The following C1orf50 variants were observed in gnomAD, a reference collection of about 807,000 sequenced individuals.
C1orf50 encodes chromosome 1 open reading frame 50.
A neutral mutation model predicts 23.3 loss-of-function variants in C1orf50; 22 were observed. The ratio of observed to expected loss-of-function variants is 0.94; its 90% CI spans 0.67 to 1.35. The LOEUF is 1.35. C1orf50 is among the 40% of genes most tolerant of loss of function. The pLI is 0.00. For missense variants in C1orf50, 271 were observed against 249.4 expected, an observed-to-expected ratio of 1.09 and a Z score of -0.58; for synonymous variants, 96 against 102.4, an observed-to-expected ratio of 0.94 and a Z score of 0.38.
At chr1:42,769,504 C>T (rs894147584) in intron 2 of C1orf50, among the ~76,000 whole-genome samples, 1 of 151,268 alleles carries the variant, frequency 6.6e-6, no homozygotes, top group African/African-American at 2.4e-5. Flanking sequence ...TGAGATCACA[C>T]CACTGCACTC....
rs930145818 is a variant in C1orf50 at position 42,779,290 on chromosome 1, T to C, written c.*3896T>C. The C allele has an allele frequency of 2.0e-5, 3 of 150,530 alleles. No homozygotes were observed. The highest frequency in any genetic ancestry group is 4.4e-5 in the Non-Finnish European group (3 of 67,852). 9.3% of individuals were successfully genotyped at this position (150,530 alleles called of 1,614,324 possible). On this transcript the variant is annotated 3_prime_UTR_variant, in exon 5 of 5. Transcript: ENST00000372525. Reference sequence around the variant, plus strand: ...TACTCGGGAGGCTGAGGCAGGAGAATGTCGTGAACCTGGGAGGCGAAGCTT... The same window carrying C: ...TACTCGGGAGGCTGAGGCAGGAGAACGTCGTGAACCTGGGAGGCGAAGCTT...
In C1orf50 at chr1:42,776,155, C is replaced by T. The variant is rs1002642382; in HGVS notation, c.*761C>T. Reference sequence around the variant, plus strand: ...CTGTGTAGTCTCCCAAGTTGGAAATCCCAGGCTCAGCCACCTGCAGCAGAA... The same window carrying T: ...CTGTGTAGTCTCCCAAGTTGGAAATTCCAGGCTCAGCCACCTGCAGCAGAA... On this transcript the variant is annotated 3_prime_UTR_variant, in exon 5 of 5. Transcript: ENST00000372525. 6.6e-6 allele frequency: 1 copy of T among 151,776 alleles called. No homozygotes were observed. Among genetic ancestry groups the T allele is most frequent in the Admixed American group, 6.6e-5 (1 of 15,238 alleles). The allele number at this position is 151,776 out of a possible 1,614,324, so 9.4% of individuals were successfully genotyped here. A position where few individuals can be genotyped will look rare whatever the true frequency, so the allele number is the denominator to read the frequency against.
intron 3 of C1orf50, among the ~76,000 whole-genome samples, chr1:42,774,478 C>G (rs1024402553): frequency 9.9e-5 from 15 of 152,220 alleles, no homozygotes; most frequent in Admixed American, 2.0e-4. Context: ...CTGCCATGGC[C>G]TTCCAAAGTG....
In C1orf50 at chr1:42,775,453, C is replaced by A; in HGVS notation, c.*59C>A. On this transcript the variant is annotated 3_prime_UTR_variant, in exon 5 of 5. Transcript: ENST00000372525. ...TGGCTGTCAACCTCCTTGTTGCCCC[C>A]ACTGTTGCCTTGAGAATTGAAGACA... 1 of 1,459,498 alleles carries A rather than the reference C, an allele frequency of 6.9e-7. No homozygotes were observed. The highest frequency in any genetic ancestry group is 9.3e-7 in the Non-Finnish European group (1 of 1,074,316). The allele number at this position is 1,459,498 out of a possible 1,614,324, so 90.4% of individuals were successfully genotyped here. A position where few individuals can be genotyped will look rare whatever the true frequency, so the allele number is the denominator to read the frequency against.
chr1:42,768,510 A>G (rs1226055269), intron 2 of C1orf50, among the ~76,000 whole-genome samples: 1 of 151,922 alleles, frequency 6.6e-6, no homozygotes, highest in African/African-American at 2.4e-5. Flanking sequence ...AATGTGCTCA[A>G]ATTCCCTCAC....
rs1653354661 is a variant in C1orf50, at chr1:42,777,048, G to A, written c.*1654G>A. 1 of 152,122 alleles carries A rather than the reference G, an allele frequency of 6.6e-6. No individual in the cohort carries two copies. The allele number at this position is 152,122 out of a possible 1,614,324, so 9.4% of individuals were successfully genotyped here. A position where few individuals can be genotyped will look rare whatever the true frequency, so the allele number is the denominator to read the frequency against. ...TGTTCTTATCTGAAGGCCTGAGTGG[G>A]GAAGGATCTGCTTCCAAGCTCACTT... On this transcript the variant is annotated 3_prime_UTR_variant, in exon 5 of 5. Transcript: ENST00000372525.
In C1orf50 at chr1:42,776,908, C is replaced by T. The variant is rs765642467; in HGVS notation, c.*1514C>T. 1 of 152,142 alleles carries T rather than the reference C, an allele frequency of 6.6e-6. No homozygotes were observed. The highest frequency in any genetic ancestry group is 2.4e-5 in the African/African-American group (1 of 41,432). 9.4% of individuals were successfully genotyped at this position (152,142 alleles called of 1,614,324 possible). A position where few individuals can be genotyped will look rare whatever the true frequency, so the allele number is the denominator to read the frequency against. On this transcript the variant is annotated 3_prime_UTR_variant, in exon 5 of 5. Transcript: ENST00000372525. ...CTGCAAACTTAATGGTTTAAAGCAA[C>T]ACCTATTTATTTCAGAGCTTACAGG...
intron 4 of C1orf50, 51 bp from the exon 5 acceptor site, chr1:42,775,158 A>C (rs768317358): frequency 6.7e-7 from 1 of 1,502,184 alleles, no homozygotes; most frequent in Non-Finnish European, 9.2e-7. Context: ...AAATGAGCTC[A>C]GTTTGTTTAC....
chr1:42,775,144 T>C lies in C1orf50; in HGVS notation c.415-65T>C, dbSNP rs1653307788. Reference sequence around the variant, plus strand: ...GCCAAAAAAGAGATTGTGGCATGATTAGGAAATGAGCTCAGTTTGTTTACA... The same window carrying C: ...GCCAAAAAAGAGATTGTGGCATGATCAGGAAATGAGCTCAGTTTGTTTACA... On this transcript the variant is annotated intron_variant, in intron 4 of 4. Coordinates refer to ENST00000372525, the MANE Select transcript of C1orf50 (RefSeq NM_024097.4). 2.1e-6 allele frequency: 3 copies of C among 1,438,314 alleles called. No homozygotes were observed. The Admixed American group carries it at 5.5e-5, about 26-fold the overall frequency. 89.1% of individuals were successfully genotyped at this position (1,438,314 alleles called of 1,614,324 possible). A position where few individuals can be genotyped will look rare whatever the true frequency, so the allele number is the denominator to read the frequency against.
intron 2 of C1orf50, among the ~76,000 whole-genome samples, chr1:42,772,211 C>T (rs916426046): frequency 6.6e-6 from 1 of 152,146 alleles, no homozygotes; most frequent in Non-Finnish European, 1.5e-5. Context: ...ATAAATGACT[C>T]AGTTTACTTG....
chr1:42,774,996 G>A lies in C1orf50; in HGVS notation c.414+128G>A, dbSNP rs144450463. On this transcript the variant is annotated intron_variant, in intron 4 of 4. Coordinates refer to ENST00000372525, the MANE Select transcript of C1orf50 (RefSeq NM_024097.4). ...GAAAATTGGGGGTGATGTGAGCCCAGACATGACTCTAAAAAATATACCTGT... is the reference window on the plus strand; with the variant it reads ...GAAAATTGGGGGTGATGTGAGCCCAAACATGACTCTAAAAAATATACCTGT... 4.8e-3 allele frequency: 5,773 copies of A among 1,203,660 alleles called. 28 individuals carry two copies. Among genetic ancestry groups the A allele is most frequent in the Admixed American group, 6.7e-3 (297 of 44,132 alleles). 74.6% of individuals were successfully genotyped at this position (1,203,660 alleles called of 1,614,324 possible). A position where few individuals can be genotyped will look rare whatever the true frequency, so the allele number is the denominator to read the frequency against.
At chr1:42,775,091 G>T (rs1345635045) in intron 4 of C1orf50, 118 bp from the exon 5 acceptor site, 3 of 1,039,526 alleles carry the variant, frequency 2.9e-6, no homozygotes, top group Non-Finnish European at 4.2e-6. Flanking sequence ...GCGTTCCAAA[G>T]GTTGTTCTGA....
intron 2 of C1orf50, among the ~76,000 whole-genome samples, chr1:42,769,321 G>A (rs923198659): frequency 1.3e-5 from 2 of 152,132 alleles, no homozygotes; most frequent in Non-Finnish European, 2.9e-5. Flanking sequence ...TAAGGCGGGA[G>A]GATTGCCTGA....
rs1653403489 is a variant in C1orf50 at position 42,779,284 on chromosome 1, G to A, written c.*3890G>A. The A allele has an allele frequency of 6.6e-6, 1 of 151,592 alleles. No homozygotes were observed. The highest frequency in any genetic ancestry group is 2.4e-5 in the African/African-American group (1 of 41,220). The allele number at this position is 151,592 out of a possible 1,614,324, so 9.4% of individuals were successfully genotyped here. On this transcript the variant is annotated 3_prime_UTR_variant, in exon 5 of 5. Coordinates refer to ENST00000372525, the MANE Select transcript of C1orf50 (RefSeq NM_024097.4). Reference sequence around the variant, plus strand: ...CCCAGCTACTCGGGAGGCTGAGGCAGGAGAATGTCGTGAACCTGGGAGGCG... The same window carrying A: ...CCCAGCTACTCGGGAGGCTGAGGCAAGAGAATGTCGTGAACCTGGGAGGCG...
At position 42,767,266 on chromosome 1, in the gene C1orf50, C is replaced by G. The variant is rs1464686196; in HGVS notation, c.-46C>G. On this transcript the variant is annotated 5_prime_UTR_variant, in exon 1 of 5. Coordinates refer to ENST00000372525, the MANE Select transcript of C1orf50 (RefSeq NM_024097.4). ...GCCCACGCGCCTTTATGCGCAGGCT[C>G]TTCCTACTCGCACAGCCCAGGGAGT... The G allele has an allele frequency of 3.4e-6, 5 of 1,464,548 alleles. No homozygotes were observed. Among genetic ancestry groups the G allele is most frequent in the East Asian group, 4.9e-5 (2 of 40,678 alleles). The allele number at this position is 1,464,548 out of a possible 1,614,324, so 90.7% of individuals were successfully genotyped here.
chr1:42,768,777 C>T (rs574794636), intron 2 of C1orf50, among the ~76,000 whole-genome samples: 1 of 152,214 alleles, frequency 6.6e-6, no homozygotes, highest in South Asian at 2.1e-4. Context: ...GAATGACTAT[C>T]GTGTTTATTA....
rs1653310936 is a variant in C1orf50 at position 42,775,259 on chromosome 1, G to A, written c.465G>A (p.Gln155=). The change falls in exon 5 of 5, where the codon CAG becomes CAA. Residue 155 remains glutamine, a synonymous_variant. Coordinates refer to ENST00000372525, the MANE Select transcript of C1orf50 (RefSeq NM_024097.4). ...ACTTCCTTGGTGCCTACAAACTACAGCATGACTTGTCCTGGACTCCGTATG... is the reference window on the plus strand; with the variant it reads ...ACTTCCTTGGTGCCTACAAACTACAACATGACTTGTCCTGGACTCCGTATG... The part of the protein sequence containing the change: ...PHDFLGAYKL[Q]HDLSWTPYED... 6.2e-7 allele frequency: 1 copy of A among 1,609,072 alleles called. No homozygotes were observed. The highest frequency in any genetic ancestry group is 8.5e-7 in the Non-Finnish European group (1 of 1,175,796).
At position 42,778,068 on chromosome 1, in the gene C1orf50, C is replaced by G. The variant is rs946700462; in HGVS notation, c.*2674C>G. ...CACCAAGGGGTGTCATTGCTCTTTCCTGGTTAAGCCAGTTACCACACTTGG... is the reference window on the plus strand; with the variant it reads ...CACCAAGGGGTGTCATTGCTCTTTCGTGGTTAAGCCAGTTACCACACTTGG... On this transcript the variant is annotated 3_prime_UTR_variant, in exon 5 of 5. Transcript: ENST00000372525. 1 of 152,032 alleles carries G rather than the reference C, an allele frequency of 6.6e-6. No homozygotes were observed. The highest frequency in any genetic ancestry group is 1.5e-5 in the Non-Finnish European group (1 of 68,002). The allele number at this position is 152,032 out of a possible 1,614,324, so 9.4% of individuals were successfully genotyped here.
chr1:42,774,665 A>C (rs1653296462), intron 3 of C1orf50, 72 bp from the exon 4 acceptor site: 1 of 1,511,500 alleles, frequency 6.6e-7, no homozygotes, highest in Non-Finnish European at 8.9e-7. Context: ...CCAAATTTTA[A>C]TTGGGATGAT....
Sources: gnomAD v4.1 joint callset for allele counts (sites outside exome capture counted in the v4.1 genomes callset) on GRCh38, gnomAD v4.1.1 for gene constraint, MANE v1.5 for transcripts, NCBI Gene and HGNC (gene_info 2026-07-23, HGNC 2026-07-21) for gene names.